The following ZDHHC7 variants were observed in gnomAD, a reference collection of about 807,000 sequenced individuals.
ZDHHC7 encodes zDHHC palmitoyltransferase 7.
In ZDHHC7, 12 loss-of-function variants were observed where a neutral mutation model predicts 34.1. That is an observed-to-expected ratio of 0.35 (90% CI 0.23 to 0.57). The LOEUF is 0.57. Among genes scored for constraint, ZDHHC7 ranks in the 20% least tolerant of loss-of-function variants. The pLI is 0.84. For missense variants in ZDHHC7, 388 were observed against 402.7 expected (o/e 0.96, Z 0.31); for synonymous variants, 185 against 155.4 (o/e 1.19, Z -1.42).
At chr16:84,982,057 C>A in intron 3 of ZDHHC7, 63 bp from the exon 4 acceptor site, 2 of 1,598,920 alleles carry the variant, frequency 1.3e-6, no homozygotes, top group Non-Finnish European at 8.5e-7. Flanking sequence ...TCAGGCCGGG[C>A]GCAGTGGGTC....
At chr16:85,025,378 C>T in the ZDHHC7 span, among the ~76,000 whole-genome samples, 4 of 151,858 alleles carry the variant, frequency 2.6e-5, no homozygotes, top group African/African-American at 9.7e-5. Context: ...TCCTGCTGAG[C>T]CAACCCCAGA....
chr16:85,013,851 C>T (rs1459526341), upstream of ZDHHC7, among the ~76,000 whole-genome samples: 4 of 151,934 alleles, frequency 2.6e-5, no homozygotes, highest in Non-Finnish European at 5.9e-5. Flanking sequence ...TCACACCTGG[C>T]TAATTTTTGT....
At chr16:84,983,270 A>G (rs1008355527) in intron 3 of ZDHHC7, among the ~76,000 whole-genome samples, 2 of 152,198 alleles carry the variant, frequency 1.3e-5, no homozygotes, top group African/African-American at 4.8e-5. Context: ...AGCCTGGGAG[A>G]TGGCAGAGGT....
chr16:85,006,243 C>G (rs1424770274), intron 1 of ZDHHC7, among the ~76,000 whole-genome samples: 1 of 152,036 alleles, frequency 6.6e-6, no homozygotes, highest in Non-Finnish European at 1.5e-5. Context: ...GCTGTAGTCC[C>G]AGCTACTCGA....
chr16:84,997,267 CTTTTTTT>C (rs34612029), intron 1 of ZDHHC7, among the ~76,000 whole-genome samples: 5 of 111,312 alleles, frequency 4.5e-5, no homozygotes, highest in Non-Finnish European at 8.7e-5. Flanking sequence ...CTAAATTTTC[CTTTTTTT>C]TTTTTTTTTT....
intron 4 of ZDHHC7, among the ~76,000 whole-genome samples, chr16:84,981,665 GC>G (rs2072369789): frequency 1.3e-5 from 2 of 152,204 alleles, no homozygotes; most frequent in Admixed American, 1.3e-4. Flanking sequence ...CTGTTTCCCA[GC>G]TCCCAAAAAG....
chr16:85,002,859 G>A (rs530477602), intron 1 of ZDHHC7, among the ~76,000 whole-genome samples: 9 of 152,036 alleles, frequency 5.9e-5, no homozygotes, highest in South Asian at 4.2e-4. Context: ...GAGGAGGAGC[G>A]GGGCTGCGGC....
At chr16:85,019,753 T>A in the ZDHHC7 span, among the ~76,000 whole-genome samples, 2 of 152,208 alleles carry the variant, frequency 1.3e-5, no homozygotes, top group African/African-American at 4.8e-5. Flanking sequence ...GAAAAAGTAG[T>A]CATTCAATAG....
At chr16:84,996,987 C>G (rs890397620) in intron 1 of ZDHHC7, among the ~76,000 whole-genome samples, 3 of 150,578 alleles carry the variant, frequency 2.0e-5, no homozygotes, top group African/African-American at 7.4e-5. Context: ...GATGGCACCA[C>G]TGCACTCCAG....
At chr16:85,023,506 TACAA>T in the ZDHHC7 span, among the ~76,000 whole-genome samples, 1 of 152,122 alleles carries the variant, frequency 6.6e-6, no homozygotes, top group Non-Finnish European at 1.5e-5. Flanking sequence ...GGTGATTTGT[TACAA>T]ACAAAGGAAA....
rs1313912646 is a variant in ZDHHC7, at chr16:84,988,693, CAA to C, written c.315+1609_315+1610del. 4 of 1,395,574 alleles carry C rather than the reference CAA, an allele frequency of 2.9e-6. No individual in the cohort carries two copies. In the African/African-American group the frequency reaches 5.7e-5, roughly 20 times the overall value. 86.4% of individuals were successfully genotyped at this position (1,395,574 alleles called of 1,614,324 possible). On this transcript the variant is annotated intron_variant, in intron 3 of 7. Coordinates refer to ENST00000313732, the MANE Select transcript of ZDHHC7 (RefSeq NM_017740.3). ...AGGAAGGGGCAAGTGCGCTTGTCAGCAAAGAGGAGCAAACTGCTGAGGACTCC... is the reference window on the plus strand; with the variant it reads ...AGGAAGGGGCAAGTGCGCTTGTCAGCAGAGGAGCAAACTGCTGAGGACTCC...
At chr16:84,989,681 C>T (rs1327594380) in intron 3 of ZDHHC7, among the ~76,000 whole-genome samples, 1 of 71,248 alleles carries the variant, frequency 1.4e-5, no homozygotes, top group Admixed American at 1.9e-4. Context: ...GCAAAAAGAG[C>T]AAAACTCCGT....
the ZDHHC7 span, among the ~76,000 whole-genome samples, chr16:85,026,341 C>T: frequency 9.9e-5 from 15 of 152,206 alleles, no homozygotes; most frequent in African/African-American, 2.4e-4. Flanking sequence ...CGTACCCACT[C>T]GCCTGTAGCA....
chr16:84,999,394 A>ATAAATG (rs889462177), intron 1 of ZDHHC7, among the ~76,000 whole-genome samples: 1 of 152,238 alleles, frequency 6.6e-6, no homozygotes, highest in Non-Finnish European at 1.5e-5. Context: ...AAATATAAAT[A>ATAAATG]TGAACACAAA....
rs1324351638 is a variant in ZDHHC7 at position 84,975,636 on chromosome 16, G to A, written c.*707C>T. Reference sequence around the variant, plus strand: ...TCTCTCCCCTCTTCCCTGAAACGTCGGTTTCTAAAAAATAGCTTGTTTGCT... The same window carrying A: ...TCTCTCCCCTCTTCCCTGAAACGTCAGTTTCTAAAAAATAGCTTGTTTGCT... On this transcript the variant is annotated 3_prime_UTR_variant, in exon 8 of 8. Transcript: ENST00000313732. The A allele has an allele frequency of 6.6e-6, 1 of 152,636 alleles. No individual in the cohort carries two copies. The highest frequency in any genetic ancestry group is 1.5e-5 in the Non-Finnish European group (1 of 68,030). 9.5% of individuals were successfully genotyped at this position (152,636 alleles called of 1,614,324 possible).
intron 3 of ZDHHC7, 95 bp from the exon 4 acceptor site, chr16:84,982,089 T>C (rs2072377630): frequency 1.3e-6 from 2 of 1,532,370 alleles, no homozygotes; most frequent in African/African-American, 1.4e-5. Context: ...CCCAGCACTT[T>C]GGGAGGCTGA....
chr16:85,013,880 G>T (rs1231641199), upstream of ZDHHC7, among the ~76,000 whole-genome samples: 1 of 151,658 alleles, frequency 6.6e-6, no homozygotes, highest in Non-Finnish European at 1.5e-5. Context: ...TAGAGACGGG[G>T]TTTCACTATG....
rs918822991 is a variant in ZDHHC7, at chr16:85,011,501, T to A, written c.-319A>T. 4 of 152,160 alleles carry A rather than the reference T, an allele frequency of 2.6e-5. No homozygotes were observed. Among genetic ancestry groups the A allele is most frequent in the African/African-American group, 9.7e-5 (4 of 41,428 alleles). The allele number at this position is 152,160 out of a possible 1,614,324, so 9.4% of individuals were successfully genotyped here. A position where few individuals can be genotyped will look rare whatever the true frequency, so the allele number is the denominator to read the frequency against. On this transcript the variant is annotated 5_prime_UTR_variant, in exon 1 of 8. Transcript: ENST00000313732. ...AAGCAAATGCCTCAGCCCGGAGCCT[T>A]GGCTGGAGAGCGGGGCGGTGCGAGC...
chr16:85,006,393 A>G (rs967128793), intron 1 of ZDHHC7, among the ~76,000 whole-genome samples: 2 of 152,144 alleles, frequency 1.3e-5, no homozygotes, highest in African/African-American at 4.8e-5. Flanking sequence ...AATTCCTTGA[A>G]AAATAAAATT....
Sources: gnomAD v4.1 joint callset for allele counts (sites outside exome capture counted in the v4.1 genomes callset) on GRCh38, gnomAD v4.1.1 for gene constraint, MANE v1.5 for transcripts, NCBI Gene and HGNC (gene_info 2026-07-23, HGNC 2026-07-21) for gene names.